Variants in SETBP1 observed in about 807,000 individuals in gnomAD.
SETBP1 encodes the protein SET binding protein 1.
SETBP1 carries 9 observed loss-of-function variants against 101.0 expected under a neutral mutation model. The observed-to-expected ratio is 0.09, with a 90% confidence interval of 0.05 to 0.16. The LOEUF (loss-of-function observed/expected upper bound fraction) is 0.16, where lower values mean the gene tolerates loss of function less well. Ranked by LOEUF, SETBP1 falls within the 10% of genes least tolerant of loss-of-function variation. SETBP1 has a pLI of 1.00. For synonymous variants in SETBP1, 818 were observed against 788.5 expected, an observed-to-expected ratio of 1.04 and a Z score of -0.63; for missense variants, 1,858 against 2,033.8, an observed-to-expected ratio of 0.91 and a Z score of 1.66.
intron 4 of SETBP1, among the ~76,000 whole-genome samples, chr18:45,037,295 G>A (rs1477475444): frequency 3.3e-5 from 5 of 152,130 alleles, no homozygotes; most frequent in African/African-American, 1.2e-4. Context: ...TTGCATTGGG[G>A]TTGGAGGGAA....
intron 4 of SETBP1, among the ~76,000 whole-genome samples, chr18:45,010,683 G>C (rs2072819499): frequency 6.6e-6 from 1 of 152,192 alleles, no homozygotes; most frequent in African/African-American, 2.4e-5. Flanking sequence ...AACAATGACA[G>C]TAATACTAGC....
intron 2 of SETBP1, among the ~76,000 whole-genome samples, chr18:44,702,871 C>T (rs1029901356): frequency 5.3e-5 from 8 of 152,186 alleles, no homozygotes; most frequent in African/African-American, 7.2e-5. Context: ...CAACACATCA[C>T]GGACTTTTAA....
chr18:44,827,418 T>A (rs531662655), intron 2 of SETBP1, among the ~76,000 whole-genome samples: 37 of 152,356 alleles, frequency 2.4e-4, no homozygotes, highest in African/African-American at 8.7e-4. Flanking sequence ...ATTATATTGA[T>A]TGTTGTTCTT....
intron 2 of SETBP1, among the ~76,000 whole-genome samples, chr18:44,751,431 T>C (rs2070378032): frequency 6.6e-6 from 1 of 152,234 alleles, no homozygotes; most frequent in African/African-American, 2.4e-5. Context: ...GTTCCTAATT[T>C]GATTTGTGTC....
Position 44,995,906 on chromosome 18 carries a change from G to A in SETBP1, c.4000+42566G>A, listed in dbSNP as rs564195911. ...CCATTAGGCCCCATCTCCCAACACC[G>A]TTACAATGGGGCTTGTTTCCAACAT... On this transcript the variant is annotated intron_variant, in intron 4 of 5. Transcript: ENST00000649279. Among the ~76,000 whole-genome samples the A allele has an allele frequency of 7.2e-5, 11 of 152,228 alleles. No individual in the cohort carries two copies. The South Asian group carries it at 1.0e-3, about 14-fold the overall frequency.
At chr18:44,866,745 G>A (rs141971957) in intron 2 of SETBP1, among the ~76,000 whole-genome samples, 55 of 152,222 alleles carry the variant, frequency 3.6e-4, no homozygotes, top group Middle Eastern at 3.4e-3. Flanking sequence ...TTTATTTTCC[G>A]TCCTTTCCAG....
At chr18:44,852,039 A>C (rs532940780) in intron 2 of SETBP1, among the ~76,000 whole-genome samples, 1 of 152,308 alleles carries the variant, frequency 6.6e-6, no homozygotes, top group South Asian at 2.1e-4. Flanking sequence ...TCACACACAC[A>C]ATAACCTCAG....
intron 2 of SETBP1, among the ~76,000 whole-genome samples, chr18:44,730,030 A>G (rs578207223): frequency 6.6e-6 from 1 of 152,296 alleles, no homozygotes; most frequent in South Asian, 2.1e-4. Flanking sequence ...CTAGCTATGC[A>G]TCTGTGTGAG....
At chr18:44,901,595 C>T (rs1232268860) in intron 3 of SETBP1, among the ~76,000 whole-genome samples, 1 of 152,134 alleles carries the variant, frequency 6.6e-6, no homozygotes, top group Non-Finnish European at 1.5e-5. Context: ...CAACCCTCTG[C>T]CTGTAGCATT....
At chr18:44,711,255 C>T (rs1480790546) in intron 2 of SETBP1, among the ~76,000 whole-genome samples, 2 of 139,598 alleles carry the variant, frequency 1.4e-5, no homozygotes, top group African/African-American at 5.4e-5. Flanking sequence ...CTCCTCCCGC[C>T]TCCCTCCCTC....
chr18:45,059,183 G>C (rs1006594286), intron 5 of SETBP1, among the ~76,000 whole-genome samples: 1 of 152,092 alleles, frequency 6.6e-6, no homozygotes, highest in African/African-American at 2.4e-5. Context: ...TCAACTTACA[G>C]TCAATCTTGT....
At chr18:45,020,258 TAAAAAAAAAAAAA>T (rs57134217) in intron 4 of SETBP1, among the ~76,000 whole-genome samples, 16,572 of 52,266 alleles carry the variant, frequency 0.32, 2,243 homozygotes, top group East Asian at 0.5. Context: ...GACTCTGTCT[TAAAAAAAAAAAAA>T]AAAAAAAAAA....
At chr18:44,899,085 G>A (rs2069975043) in intron 3 of SETBP1, among the ~76,000 whole-genome samples, 1 of 152,094 alleles carries the variant, frequency 6.6e-6, no homozygotes, top group South Asian at 2.1e-4. Context: ...AGTGAGATAA[G>A]GTATAATGTT....
rs560356407 is a variant in SETBP1, at chr18:44,793,707, G to A, written c.487-75523G>A. 3.9e-5 allele frequency among the ~76,000 whole-genome samples: 6 copies of A among 152,320 alleles called. No individual in the cohort carries two copies. The East Asian group carries it at 1.2e-3, about 29-fold the overall frequency. On this transcript the variant is annotated intron_variant, in intron 2 of 5. Transcript: ENST00000649279. ...CAGCCTAGATAGGGTACAAGATCAAGCCAAGGCCACACAGATGGATAAATA... is the reference window on the plus strand; with the variant it reads ...CAGCCTAGATAGGGTACAAGATCAAACCAAGGCCACACAGATGGATAAATA...
intron 2 of SETBP1, among the ~76,000 whole-genome samples, chr18:44,858,353 G>A (rs1428202954): frequency 6.6e-6 from 1 of 152,192 alleles, no homozygotes; most frequent in African/African-American, 2.4e-5. Flanking sequence ...GCAAGAGCAG[G>A]GCCATCTGTG....
chr18:45,054,344 C>T lies in SETBP1; in HGVS notation c.4172-8735C>T, dbSNP rs1356255455. ...CTGGGATTGCAGGCGTGCGCCACCACACCCGGCTACTTTTTGTATTTTTAG... is the reference window on the plus strand; with the variant it reads ...CTGGGATTGCAGGCGTGCGCCACCATACCCGGCTACTTTTTGTATTTTTAG... On this transcript the variant is annotated intron_variant, in intron 5 of 5. Transcript: ENST00000649279. Among the ~76,000 whole-genome samples the T allele has an allele frequency of 1.3e-5, 2 of 152,062 alleles. 1 individual carries two copies. The highest frequency in any genetic ancestry group is 1.3e-4 in the Admixed American group (2 of 15,266).
At chr18:45,034,303 C>T (rs565433845) in intron 4 of SETBP1, among the ~76,000 whole-genome samples, 1 of 152,298 alleles carries the variant, frequency 6.6e-6, no homozygotes, top group Admixed American at 6.5e-5. Context: ...GATGCAGCGC[C>T]TGCCACTGAT....
chr18:44,852,385 GCAA>G (rs2072888082), intron 2 of SETBP1, among the ~76,000 whole-genome samples: 6 of 152,144 alleles, frequency 3.9e-5, no homozygotes, highest in Non-Finnish European at 8.8e-5. Flanking sequence ...CACCATTGCT[GCAA>G]ACATGCAGCT....
intron 2 of SETBP1, among the ~76,000 whole-genome samples, chr18:44,713,179 G>A (rs941884103): frequency 2.6e-5 from 4 of 151,756 alleles, no homozygotes; most frequent in African/African-American, 9.7e-5. Flanking sequence ...GGATGGTCTC[G>A]ATCTTCTGAC....
Sources: gnomAD v4.1 joint callset for allele counts (sites outside exome capture counted in the v4.1 genomes callset) on GRCh38, gnomAD v4.1.1 for gene constraint, MANE v1.5 for transcripts, NCBI Gene and HGNC (gene_info 2026-07-23, HGNC 2026-07-21) for gene names.